Variants in RP9 observed in about 807,000 individuals in gnomAD.
RP9 encodes RP9 pre-mRNA splicing factor.
In RP9, 23 loss-of-function variants were observed where a neutral mutation model predicts 32.6. The ratio of observed to expected loss-of-function variants is 0.71; its 90% CI spans 0.51 to 1.00. The LOEUF (loss-of-function observed/expected upper bound fraction) is 1.00, where lower values mean the gene tolerates loss of function less well. Ranked by LOEUF, RP9 falls within the 50% of genes least tolerant of loss-of-function variation. RP9 has a pLI of 0.00. For missense variants in RP9, 245 were observed against 285.3 expected (o/e 0.86, Z 1.02); for synonymous variants, 94 against 103.6 (o/e 0.91, Z 0.56).
chr7:33,097,412 C>A lies in RP9; in HGVS notation c.314-50G>T. ...CTGTAAGATAACAGTTTCACCTACT[C>A]AAGATAAAGAATCAGCAGAATATAT... On this transcript the variant is annotated intron_variant, in intron 3 of 5. Transcript: ENST00000297157. 3 of 1,310,248 alleles carry A rather than the reference C, an allele frequency of 2.3e-6. No individual in the cohort carries two copies. The South Asian group carries it at 3.6e-5, about 16-fold the overall frequency. The allele number at this position is 1,310,248 out of a possible 1,614,324, so 81.2% of individuals were successfully genotyped here.
At chr7:33,096,379 A>T (rs1253646045) in intron 5 of RP9, 114 bp downstream of exon 5, 4 of 790,862 alleles carry the variant, frequency 5.1e-6, no homozygotes, top group African/African-American at 1.7e-5. Context: ...ACATATTTTC[A>T]CAATTGAAGT....
intron 2 of RP9, among the ~76,000 whole-genome samples, chr7:33,099,981 A>T (rs1418228805): frequency 3.3e-5 from 5 of 151,942 alleles, no homozygotes; most frequent in African/African-American, 1.2e-4. Flanking sequence ...TTTACAATAG[A>T]CTCATGTTTT....
intron 1 of RP9, among the ~76,000 whole-genome samples, chr7:33,107,030 G>A (rs1426511617): frequency 6.6e-6 from 1 of 152,160 alleles, no homozygotes; most frequent in Non-Finnish European, 1.5e-5. Context: ...GGAGGGGGAA[G>A]AGGGACACAG....
At chr7:33,104,909 T>C (rs1367007275) in intron 1 of RP9, among the ~76,000 whole-genome samples, 1 of 152,194 alleles carries the variant, frequency 6.6e-6, no homozygotes, top group Admixed American at 6.5e-5. Flanking sequence ...TGTAATTTTA[T>C]ACCTAGTCAA....
chr7:33,108,742 CTTCT>C (rs1788537337), intron 1 of RP9, among the ~76,000 whole-genome samples: 1 of 152,228 alleles, frequency 6.6e-6, no homozygotes, highest in South Asian at 2.1e-4. Context: ...TTCCCTGGCC[CTTCT>C]TTGTCTCCCA....
intron 1 of RP9, among the ~76,000 whole-genome samples, chr7:33,107,670 A>C (rs1004152089): frequency 2.0e-5 from 3 of 152,246 alleles, no homozygotes. Context: ...CCAGGTCCCA[A>C]CATAGGAATT....
intron 4 of RP9, 87 bp from the exon 5 acceptor site, chr7:33,096,641 T>C: frequency 1.1e-6 from 1 of 943,122 alleles, no homozygotes; most frequent in Non-Finnish European, 1.8e-6. Flanking sequence ...TGAAAACCAG[T>C]TTATTTTTTT....
At chr7:33,102,532 C>G (rs553902846) in intron 1 of RP9, among the ~76,000 whole-genome samples, 1 of 152,336 alleles carries the variant, frequency 6.6e-6, no homozygotes, top group South Asian at 2.1e-4. Context: ...TTTGTGCCAT[C>G]TGAAAAGCCT....
At position 33,109,270 on chromosome 7, in the gene RP9, G is replaced by A. The variant is rs765577936; in HGVS notation, c.103C>T (p.Arg35Trp). Residue 35 changes from arginine to tryptophan, a missense_variant, in exon 1 of 6, where the codon CGG becomes TGG. Around this residue, in one of 2 missense-constraint regions of RP9, gnomAD observed 182 missense variants for 175.5 expected, o/e 1.04. Transcript: ENST00000297157. This position sits in a 1 kb window ranked among gnomAD's most constrained non-coding sequence, Gnocchi z 4.9. Reference sequence around the variant, plus strand: ...TGCAGCTGCTGCGCGTCGTGTCGCCGCCGCTTCTGCTCCCGACGTCGCTGC... The same window carrying A: ...TGCAGCTGCTGCGCGTCGTGTCGCCACCGCTTCTGCTCCCGACGTCGCTGC... The part of the protein sequence containing the change: ...ELQRRREQKR[R>W]RHDAQQLQQL... The A allele has an allele frequency of 2.0e-6, 3 of 1,492,502 alleles. No individual in the cohort carries two copies. The highest frequency in any genetic ancestry group is 2.8e-5 in the East Asian group (1 of 35,144). The allele number at this position is 1,492,502 out of a possible 1,614,324, so 92.5% of individuals were successfully genotyped here. A position where few individuals can be genotyped will look rare whatever the true frequency, so the allele number is the denominator to read the frequency against.
intron 1 of RP9, among the ~76,000 whole-genome samples, chr7:33,104,423 TAACA>T (rs1278351585): frequency 6.6e-6 from 1 of 150,496 alleles, no homozygotes; most frequent in African/African-American, 2.5e-5. Context: ...TTTACCTGTA[TAACA>T]AACCTACACA....
intron 1 of RP9, among the ~76,000 whole-genome samples, chr7:33,104,093 G>T (rs1286697493): frequency 1.3e-5 from 2 of 151,968 alleles, no homozygotes; most frequent in Non-Finnish European, 2.9e-5. Context: ...TAACAAATAT[G>T]TTTAGTAGAG....
Position 33,096,597 on chromosome 7 carries a change from A to G in RP9, c.406-43T>C, listed in dbSNP as rs17169625. 0.011 allele frequency: 15,312 copies of G among 1,331,822 alleles called. 940 individuals carry two copies. In the East Asian group the frequency reaches 0.19, roughly 17 times the overall value. The allele number at this position is 1,331,822 out of a possible 1,614,324, so 82.5% of individuals were successfully genotyped here. A position where few individuals can be genotyped will look rare whatever the true frequency, so the allele number is the denominator to read the frequency against. On this transcript the variant is annotated intron_variant, in intron 4 of 5. Transcript: ENST00000297157. ...GTTAAGGTTTGGTTAGGCTTCATGG[A>G]TCACAAGTTAAATACAATGAAATGC... is the stretch of plus-strand genomic sequence containing the variant.
chr7:33,109,175 T>C lies in RP9; in HGVS notation c.152+46A>G. 1 of 1,475,426 alleles carries C rather than the reference T, an allele frequency of 6.8e-7. No individual in the cohort carries two copies. Among genetic ancestry groups the C allele is most frequent in the Admixed American group, 2.2e-5 (1 of 45,012 alleles). The allele number at this position is 1,475,426 out of a possible 1,614,324, so 91.4% of individuals were successfully genotyped here. A position where few individuals can be genotyped will look rare whatever the true frequency, so the allele number is the denominator to read the frequency against. On this transcript the variant is annotated intron_variant, in intron 1 of 5. Coordinates refer to ENST00000297157, the MANE Select transcript of RP9 (RefSeq NM_203288.2). This position sits in a 1 kb window ranked among gnomAD's most constrained non-coding sequence, Gnocchi z 4.9. ...CGCGGCGTCCCGCGCCCCGGGCCCC[T>C]GGCTTCAGAAGACTGGCCGCGCGCG...
At chr7:33,104,895 G>A (rs1009063668) in intron 1 of RP9, among the ~76,000 whole-genome samples, 3 of 152,086 alleles carry the variant, frequency 2.0e-5, no homozygotes, top group African/African-American at 7.2e-5. Context: ...AATGATTTTT[G>A]ACCTGTAATT....
chr7:33,107,655 G>A (rs193021175), intron 1 of RP9, among the ~76,000 whole-genome samples: 3 of 152,174 alleles, frequency 2.0e-5, no homozygotes, highest in Admixed American at 1.3e-4. Flanking sequence ...TGGAAAAAGA[G>A]CAGGCCAGGT....
At chr7:33,097,911 C>G (rs11763923) in intron 3 of RP9, among the ~76,000 whole-genome samples, 4 of 151,866 alleles carry the variant, frequency 2.6e-5, no homozygotes, top group Non-Finnish European at 5.9e-5. Flanking sequence ...TGAGCCACCA[C>G]GCCCGGCCCA....
chr7:33,099,370 GA>G lies in RP9; in HGVS notation c.249del (p.Leu84TrpfsTer47). 6.2e-7 allele frequency: 1 copy of G among 1,613,740 alleles called. No individual in the cohort carries two copies. The highest frequency in any genetic ancestry group is 8.5e-7 in the Non-Finnish European group (1 of 1,179,966). On this transcript the variant is annotated frameshift_variant, in exon 3 of 6. Coordinates refer to ENST00000297157, the MANE Select transcript of RP9 (RefSeq NM_203288.2). LOFTEE classifies it high-confidence loss of function. The stretch of plus-strand genomic sequence containing the variant: ...AGTCCTTTAGTTGGTGCATGAGCCA[GA>G]AATTCCCTGGCGTGTTCATTGCCTG... Reference protein sequence around the residue: ...DVPGNEHAREFLAHAPTKGLW... With the variant: ...DVPGNEHAREXLAHAPTKGLW...
Position 33,105,351 on chromosome 7 carries a change from C to T in RP9, c.152+3870G>A, listed in dbSNP as rs555770338. Among the ~76,000 whole-genome samples, 65 of 152,212 alleles carry T rather than the reference C, an allele frequency of 4.3e-4. 1 individual carries two copies. The highest frequency in any genetic ancestry group is 2.1e-3 in the East Asian group (11 of 5,176). On this transcript the variant is annotated intron_variant, in intron 1 of 5. Coordinates refer to ENST00000297157, the MANE Select transcript of RP9 (RefSeq NM_203288.2). ...TGCTCTCTGACCTTCTCTTGCCCTCCTGTCTCCTGCCCTTCTTTCTTCCCC... is the reference window on the plus strand; with the variant it reads ...TGCTCTCTGACCTTCTCTTGCCCTCTTGTCTCCTGCCCTTCTTTCTTCCCC...
intron 5 of RP9, among the ~76,000 whole-genome samples, chr7:33,095,724 T>A (rs1423519626): frequency 6.6e-6 from 1 of 152,228 alleles, no homozygotes; most frequent in Non-Finnish European, 1.5e-5. Flanking sequence ...TACTAAACCA[T>A]TCCCCTACTG....
Sources: gnomAD v4.1 joint callset for allele counts (sites outside exome capture counted in the v4.1 genomes callset) on GRCh38, gnomAD v4.1.1 for gene constraint, gnomAD v4.1.1 regional missense constraint, Gnocchi (gnomAD v3.1) non-coding constraint, MANE v1.5 for transcripts, NCBI Gene and HGNC (gene_info 2026-07-23, HGNC 2026-07-21) for gene names.